Variants in RHOT1 observed in about 807,000 individuals in gnomAD.
The protein encoded by RHOT1 is ras homolog family member T1.
A neutral mutation model predicts 95.3 loss-of-function variants in RHOT1; 27 were observed. The ratio of observed to expected loss-of-function variants is 0.28; its 90% CI spans 0.21 to 0.39. The LOEUF is 0.39. Ranked by LOEUF, RHOT1 falls within the 10% of genes least tolerant of loss-of-function variation. The pLI, the probability that RHOT1 is intolerant of heterozygous loss-of-function variation, is 1.00. For synonymous variants in RHOT1, 227 were observed against 263.5 expected (o/e 0.86, Z 1.34); for missense variants, 578 against 786.7 (o/e 0.73, Z 3.17).
intron 19 of RHOT1, among the ~76,000 whole-genome samples, chr17:32,219,051 A>G (rs1376665037): frequency 6.6e-6 from 1 of 152,144 alleles, no homozygotes; most frequent in Non-Finnish European, 1.5e-5. Flanking sequence ...GACCATTCAC[A>G]TTAGTGCATT....
At chr17:32,175,235 T>A (rs2034899038) in intron 3 of RHOT1, 84 bp from the exon 4 acceptor site, 2 of 1,114,000 alleles carry the variant, frequency 1.8e-6, no homozygotes, top group South Asian at 1.3e-5. Context: ...GGATGTTAGA[T>A]GAGTGTTGCA....
chr17:32,175,506 C>T (rs1384677806), intron 4 of RHOT1, 144 bp downstream of exon 4: 10 of 827,796 alleles, frequency 1.2e-5, no homozygotes, highest in African/African-American at 1.0e-4. Context: ...CTCTGTCACC[C>T]AGTGCAGTGG....
At chr17:32,202,625 C>G in intron 14 of RHOT1, 145 bp from the exon 15 acceptor site, 2 of 605,390 alleles carry the variant, frequency 3.3e-6, no homozygotes, top group Non-Finnish European at 5.6e-6. Context: ...TACAGCTTGA[C>G]TGTTGTACAA....
chr17:32,202,525 G>T (rs549755905), intron 14 of RHOT1, among the ~76,000 whole-genome samples: 276 of 152,020 alleles, frequency 1.8e-3, no homozygotes, highest in Non-Finnish European at 3.4e-3. Context: ...TAAATGTTTG[G>T]TTACTCGAAA....
At chr17:32,170,923 TTAA>T (rs1191954373) in intron 1 of RHOT1, 117 bp from the exon 2 acceptor site, 2 of 583,448 alleles carry the variant, frequency 3.4e-6, no homozygotes, top group East Asian at 3.1e-5. Context: ...ATACTAAAAC[TTAA>T]TAATTTGGAT....
rs2030500578 is a variant in RHOT1 at position 32,142,568 on chromosome 17, G to C, written c.-125G>C. ...GGCTCTCTTGCGGGGAAGCAACTGA[G>C]GGGGCGGCGCGGCGGGCCCCGGCGG... is the stretch of plus-strand genomic sequence containing the variant. On this transcript the variant is annotated 5_prime_UTR_variant, in exon 1 of 20. Coordinates refer to ENST00000545287, the MANE Select transcript of RHOT1 (RefSeq NM_001033566.3). 1 of 740,428 alleles carries C rather than the reference G, an allele frequency of 1.4e-6. No homozygotes were observed. Among genetic ancestry groups the C allele is most frequent in the Non-Finnish European group, 2.0e-6 (1 of 493,202 alleles). The allele number at this position is 740,428 out of a possible 1,614,324, so 45.9% of individuals were successfully genotyped here.
At chr17:32,222,826 C>T (rs1004615339) in intron 19 of RHOT1, 16 of 985,114 alleles carry the variant, frequency 1.6e-5, no homozygotes, top group Middle Eastern at 5.2e-4. Context: ...TATTACTCAC[C>T]AGGTGCATGC....
At chr17:32,146,985 C>T (rs2031453732) in intron 1 of RHOT1, among the ~76,000 whole-genome samples, 1 of 148,146 alleles carries the variant, frequency 6.8e-6, no homozygotes, top group South Asian at 2.1e-4. Flanking sequence ...CTCAAGTGAT[C>T]CACCCACCTC....
intron 19 of RHOT1, among the ~76,000 whole-genome samples, chr17:32,211,650 A>C (rs1290324879): frequency 6.6e-6 from 1 of 152,194 alleles, no homozygotes; most frequent in East Asian, 1.9e-4. Context: ...TCTCATTAAA[A>C]CCATAGTAAT....
At chr17:32,164,400 AT>A (rs1353341117) in intron 1 of RHOT1, among the ~76,000 whole-genome samples, 7 of 151,586 alleles carry the variant, frequency 4.6e-5, no homozygotes, top group African/African-American at 1.7e-4. Context: ...TGCTCAGCTA[AT>A]TTTTGTATTT....
rs767795235 is a variant in RHOT1 at position 32,192,246 on chromosome 17, T to G, written c.586T>G (p.Ser196Ala). 6 of 1,584,696 alleles carry G rather than the reference T, an allele frequency of 3.8e-6. No homozygotes were observed. In the South Asian group the frequency reaches 6.9e-5, roughly 18 times the overall value. Residue 196 changes from serine to alanine, a missense_variant, in exon 9 of 20, where the codon TCT (serine) becomes GCT (alanine). Physicochemically the swap from Ser to Ala is moderately conservative, Grantham distance 99 (BLOSUM62 1). Coordinates refer to ENST00000545287, the MANE Select transcript of RHOT1 (RefSeq NM_001033566.3). ...IKALTRIFKI[S>A]DQDNDGTLND... The stretch of plus-strand genomic sequence containing the variant: ...AGCCCTTACTCGTATATTTAAAATA[T>G]CTGATCAAGATAATGATGGTACTCT...
intron 1 of RHOT1, among the ~76,000 whole-genome samples, chr17:32,163,889 G>A (rs1282086396): frequency 6.6e-6 from 1 of 152,022 alleles, no homozygotes; most frequent in Non-Finnish European, 1.5e-5. Flanking sequence ...AGGCGTGGTG[G>A]CTCACCCCTG....
intron 19 of RHOT1, among the ~76,000 whole-genome samples, chr17:32,215,922 A>G (rs1295796057): frequency 6.6e-6 from 1 of 151,994 alleles, no homozygotes; most frequent in Admixed American, 6.6e-5. Flanking sequence ...ATTTGAATAC[A>G]TGTGGAGGAT....
At chr17:32,171,127 A>T in intron 2 of RHOT1, 26 bp downstream of exon 2, 1 of 1,418,884 alleles carries the variant, frequency 7.0e-7, no homozygotes, top group Non-Finnish European at 9.8e-7. Context: ...TCCATATTTA[A>T]ATTTTAAAAA....
intron 2 of RHOT1, among the ~76,000 whole-genome samples, chr17:32,173,590 G>A (rs1426680763): frequency 6.6e-6 from 1 of 151,866 alleles, no homozygotes; most frequent in Non-Finnish European, 1.5e-5. Flanking sequence ...GTAGGCGCCT[G>A]TAATCCCAGC....
intron 8 of RHOT1, among the ~76,000 whole-genome samples, chr17:32,190,296 A>G: frequency 6.6e-6 from 1 of 152,114 alleles, no homozygotes; most frequent in Non-Finnish European, 1.5e-5. Flanking sequence ...TCTACTAAAA[A>G]TGTGAAAAAT....
At chr17:32,208,438 G>A in intron 18 of RHOT1, 129 bp downstream of exon 18, 1 of 937,056 alleles carries the variant, frequency 1.1e-6, no homozygotes, top group Non-Finnish European at 1.6e-6. Context: ...GTAATGAGAA[G>A]GTACAAATTT....
At chr17:32,156,334 A>T (rs1396428774) in intron 1 of RHOT1, among the ~76,000 whole-genome samples, 1 of 152,140 alleles carries the variant, frequency 6.6e-6, no homozygotes, top group Non-Finnish European at 1.5e-5. Flanking sequence ...TGGTGTGATC[A>T]TGGCTCACTG....
At chr17:32,142,838 C>G in intron 1 of RHOT1, 109 bp downstream of exon 1, 1 of 949,494 alleles carries the variant, frequency 1.1e-6, no homozygotes, top group Non-Finnish European at 1.6e-6. Flanking sequence ...CCCGGCCCTT[C>G]TCGCGCCTCA....
Sources: gnomAD v4.1 joint callset for allele counts (sites outside exome capture counted in the v4.1 genomes callset) on GRCh38, gnomAD v4.1.1 for gene constraint, MANE v1.5 for transcripts, NCBI Gene and HGNC (gene_info 2026-07-23, HGNC 2026-07-21) for gene names.